SUV39H2: variants seen among roughly 807,000 people sequenced by gnomAD.
SUV39H2 encodes the protein SUV39H2 histone lysine methyltransferase.
A neutral mutation model predicts 47.5 loss-of-function variants in SUV39H2; 10 were observed. The ratio of observed to expected loss-of-function variants is 0.21; its 90% CI spans 0.13 to 0.36. SUV39H2 has a LOEUF of 0.36. Among genes scored for constraint, SUV39H2 ranks in the 10% least tolerant of loss-of-function variants. The probability of loss-of-function intolerance (pLI) is 1.00; values close to 1 mark genes in which losing one functional copy is unlikely to be tolerated. For missense variants in SUV39H2, 266 were observed against 487.4 expected (o/e 0.55, Z 4.28); for synonymous variants, 159 against 166.8 (o/e 0.95, Z 0.36).
intron 3 of SUV39H2, chr10:14,899,328 AG>A (rs1247858828): frequency 1.5e-5 from 10 of 688,654 alleles, no homozygotes; most frequent in Non-Finnish European, 2.6e-5. Context: ...TAAAAAAAAA[AG>A]GTCATCAGTC....
chr10:14,896,163 G>A (rs966801791), intron 2 of SUV39H2, among the ~76,000 whole-genome samples: 8 of 152,012 alleles, frequency 5.3e-5, no homozygotes, highest in Non-Finnish European at 8.8e-5. Flanking sequence ...GGCTGGTCTC[G>A]AACTCCTGGG....
At chr10:14,901,026 C>T in intron 4 of SUV39H2, 107 bp from the exon 5 acceptor site, 1 of 1,431,400 alleles carries the variant, frequency 7.0e-7, no homozygotes, top group Middle Eastern at 2.5e-4. Context: ...ACTTAATTTC[C>T]AGTGGAACTT....
chr10:14,890,523 G>A (rs1833354911), intron 2 of SUV39H2, among the ~76,000 whole-genome samples: 1 of 152,126 alleles, frequency 6.6e-6, no homozygotes, highest in African/African-American at 2.4e-5. Flanking sequence ...CTCTTGAGTA[G>A]CTAAGACCAC....
intron 2 of SUV39H2, among the ~76,000 whole-genome samples, chr10:14,883,170 C>CTT (rs1216490912): frequency 6.6e-6 from 1 of 152,048 alleles, no homozygotes; most frequent in Non-Finnish European, 1.5e-5. Flanking sequence ...CCCCGCCAGA[C>CTT]TTTTTTTCTT....
chr10:14,899,815 G>A, intron 4 of SUV39H2, 130 bp downstream of exon 4: 1 of 1,126,094 alleles, frequency 8.9e-7, no homozygotes, highest in South Asian at 1.7e-5. Context: ...TTTATAAGGA[G>A]GGCAGCTTCT....
At chr10:14,900,009 C>A (rs1275631770) in intron 4 of SUV39H2, among the ~76,000 whole-genome samples, 1 of 152,034 alleles carries the variant, frequency 6.6e-6, no homozygotes, top group African/African-American at 2.4e-5. Context: ...GTAAAATGTC[C>A]AAGAATTACA....
chr10:14,879,191 C>T (rs994623980), intron 1 of SUV39H2: 3 of 1,088,774 alleles, frequency 2.8e-6, no homozygotes, highest in African/African-American at 3.3e-5. Context: ...CCGCTCGGCC[C>T]GGCCCCCTCC....
intron 2 of SUV39H2, among the ~76,000 whole-genome samples, chr10:14,885,832 C>G (rs1234232696): frequency 6.6e-6 from 1 of 152,178 alleles, no homozygotes; most frequent in Non-Finnish European, 1.5e-5. Context: ...TGACCACCTT[C>G]ACTTAGCTCA....
Position 14,896,840 on chromosome 10 carries a change from T to C in SUV39H2, c.178-6T>C. ...ATTTGCATTTTATTTTCTTTTGTAT[T>C]TTAAGGATATGGAATATTATCTTGT... On this transcript the variant is annotated splice_region_variant and splice_polypyrimidine_tract_variant and intron_variant, in intron 2 of 5. Coordinates refer to ENST00000354919, the MANE Select transcript of SUV39H2 (RefSeq NM_001193424.2). The C allele has an allele frequency of 6.5e-7, 1 of 1,542,704 alleles. No individual in the cohort carries two copies. Among genetic ancestry groups the C allele is most frequent in the Non-Finnish European group, 8.7e-7 (1 of 1,145,454 alleles).
chr10:14,887,665 C>T (rs1198592696), intron 2 of SUV39H2, among the ~76,000 whole-genome samples: 1 of 152,206 alleles, frequency 6.6e-6, no homozygotes, highest in African/African-American at 2.4e-5. Context: ...TACTGGCCAT[C>T]TACCATGTCC....
In SUV39H2 at chr10:14,895,881, T is replaced by G. The variant is rs533246295; in HGVS notation, c.178-965T>G. ...TTAAGTTACTTAGTGTTCTTTTTTT[T>G]GTATGATACAAAGTCTTCAAAATTC... is the stretch of plus-strand genomic sequence containing the variant. On this transcript the variant is annotated intron_variant, in intron 2 of 5. Transcript: ENST00000354919. 2.0e-5 allele frequency among the ~76,000 whole-genome samples: 3 copies of G among 152,312 alleles called. No homozygotes were observed. In the South Asian group the frequency reaches 6.2e-4, roughly 32 times the overall value.
Position 14,897,090 on chromosome 10 carries a change from A to T in SUV39H2, c.422A>T (p.Gln141Leu). The stretch of plus-strand genomic sequence containing the variant: ...CAAAGGATAGCTCTGCAGAGATGGC[A>T]AGATGAACTCAACAGAAGAAAGAAT... ...AKQRIALQRW[Q>L]DELNRRKNHK... is the part of the protein sequence containing the mutation. Residue 141 changes from glutamine (Q) to leucine (L), a missense_variant, in exon 3 of 6, where the codon CAA becomes CTA. Coordinates refer to ENST00000354919, the MANE Select transcript of SUV39H2 (RefSeq NM_001193424.2). 1 of 1,614,026 alleles carries T rather than the reference A, an allele frequency of 6.2e-7. No homozygotes were observed. The highest frequency in any genetic ancestry group is 8.5e-7 in the Non-Finnish European group (1 of 1,179,966).
intron 1 of SUV39H2, among the ~76,000 whole-genome samples, chr10:14,880,328 C>G (rs923038658): frequency 1.3e-5 from 2 of 152,210 alleles, no homozygotes; most frequent in African/African-American, 4.8e-5. Flanking sequence ...GGAAAGGGGC[C>G]GGAAAAGTTA....
At chr10:14,890,600 T>C (rs544965456) in intron 2 of SUV39H2, among the ~76,000 whole-genome samples, 1 of 152,318 alleles carries the variant, frequency 6.6e-6, no homozygotes, top group South Asian at 2.1e-4. Flanking sequence ...CAGGCTGGTC[T>C]CCAACTCCTG....
intron 1 of SUV39H2, 59 bp downstream of exon 1, chr10:14,878,978 G>T: frequency 1.5e-6 from 2 of 1,357,986 alleles, no homozygotes; most frequent in South Asian, 3.7e-5. Flanking sequence ...CCCAAGGCCC[G>T]GGCGGCGGGG....
chr10:14,902,445 C>T lies in SUV39H2; in HGVS notation c.1166C>T (p.Pro389Leu). Residue 389 changes from proline (P) to leucine (L), a missense_variant, in exon 6 of 6, where the codon CCA becomes CTA. Around this residue, in one of 4 missense-constraint regions of SUV39H2, gnomAD observed 112 missense variants for 271.9 expected, o/e 0.41. Transcript: ENST00000354919. ...TCTTCAGATTCTATTGACCACAGCCCAGCCAAAAAGAGGGTCAGAACAGTA... is the reference window on the plus strand; with the variant it reads ...TCTTCAGATTCTATTGACCACAGCCTAGCCAAAAAGAGGGTCAGAACAGTA... Reference protein sequence around the residue: ...DISSDSIDHSPAKKRVRTVCK... With the variant: ...DISSDSIDHSLAKKRVRTVCK... The T allele has an allele frequency of 6.2e-7, 1 of 1,610,618 alleles. No homozygotes were observed. Among genetic ancestry groups the T allele is most frequent in the East Asian group, 2.2e-5 (1 of 44,774 alleles).
At chr10:14,887,319 G>T (rs1357202177) in intron 2 of SUV39H2, among the ~76,000 whole-genome samples, 1 of 152,154 alleles carries the variant, frequency 6.6e-6, no homozygotes, top group African/African-American at 2.4e-5. Flanking sequence ...TGGTAGTGAA[G>T]GTGCCAGGTC....
intron 5 of SUV39H2, among the ~76,000 whole-genome samples, chr10:14,901,591 C>A (rs1263246273): frequency 1.3e-5 from 2 of 151,234 alleles, no homozygotes; most frequent in East Asian, 3.9e-4. Context: ...TGGCTCCTGC[C>A]TGTAATCCCA....
chr10:14,884,528 A>C (rs1833145045), intron 2 of SUV39H2, among the ~76,000 whole-genome samples: 1 of 152,204 alleles, frequency 6.6e-6, no homozygotes, highest in African/African-American at 2.4e-5. Context: ...TATTCTTGGA[A>C]TCATACTTCA....
Sources: gnomAD v4.1 joint callset for allele counts (sites outside exome capture counted in the v4.1 genomes callset) on GRCh38, gnomAD v4.1.1 for gene constraint, gnomAD v4.1.1 regional missense constraint, MANE v1.5 for transcripts, NCBI Gene and HGNC (gene_info 2026-07-23, HGNC 2026-07-21) for gene names.